Variants in CPNE8 observed in about 807,000 individuals in gnomAD.
CPNE8 encodes copine-8.
A neutral mutation model predicts 81.5 loss-of-function variants in CPNE8; 45 were observed. The observed-to-expected ratio is 0.55, with a 90% CI of 0.44 to 0.71. The LOEUF is 0.71. Among genes scored for constraint, CPNE8 ranks in the 30% least tolerant of loss-of-function variants. The pLI is 0.00. For missense variants in CPNE8, 594 were observed against 672.1 expected, an observed-to-expected ratio of 0.88 and a Z score of 1.28; for synonymous variants, 252 against 226.3, an observed-to-expected ratio of 1.11 and a Z score of -1.02.
intron 6 of CPNE8, among the ~76,000 whole-genome samples, chr12:38,789,749 G>A (rs1414423134): frequency 6.6e-6 from 1 of 151,264 alleles, no homozygotes; most frequent in Non-Finnish European, 1.5e-5. Context: ...AACTCTGTAG[G>A]AAAAAAAATC....
At chr12:38,789,687 A>C (rs986695135) in intron 6 of CPNE8, among the ~76,000 whole-genome samples, 1 of 151,952 alleles carries the variant, frequency 6.6e-6, no homozygotes, top group Non-Finnish European at 1.5e-5. Context: ...AATATTTGCA[A>C]ACCACCCATC....
chr12:38,696,128 G>A (rs1488329655), intron 14 of CPNE8, among the ~76,000 whole-genome samples: 1 of 151,880 alleles, frequency 6.6e-6, no homozygotes, highest in Admixed American at 6.6e-5. Context: ...TGCATAGCTG[G>A]GCCCTTTGTA....
Position 38,653,708 on chromosome 12 carries a change from T to G in CPNE8, c.*174A>C. On this transcript the variant is annotated 3_prime_UTR_variant, in exon 20 of 20. Coordinates refer to ENST00000331366, the MANE Select transcript of CPNE8 (RefSeq NM_153634.3). ...TTTTCTGTTGCTCATGCAACAACCA[T>G]ATTTACAGTTTTGGTTTAGGAAGAT... The G allele has an allele frequency of 1.2e-6, 1 of 865,766 alleles. No individual in the cohort carries two copies. The allele number at this position is 865,766 out of a possible 1,614,324, so 53.6% of individuals were successfully genotyped here.
At chr12:38,799,737 C>A (rs1169854018) in intron 6 of CPNE8, among the ~76,000 whole-genome samples, 1 of 148,396 alleles carries the variant, frequency 6.7e-6, no homozygotes, top group Non-Finnish European at 1.5e-5. Context: ...GCATTTCCAT[C>A]TGAGGTACCG....
intron 10 of CPNE8, among the ~76,000 whole-genome samples, chr12:38,741,831 AAAAC>A (rs1055976270): frequency 1.6e-4 from 25 of 152,174 alleles, no homozygotes; most frequent in African/African-American, 6.0e-4. Context: ...TGCAAGAAAA[AAAAC>A]AAACAACCCC....
intron 6 of CPNE8, among the ~76,000 whole-genome samples, chr12:38,812,743 G>A (rs1016037712): frequency 6.6e-6 from 1 of 152,190 alleles, no homozygotes; most frequent in Non-Finnish European, 1.5e-5. Flanking sequence ...AGCGTTTATG[G>A]AAGTGGCTTC....
At chr12:38,728,564 CAA>C (rs1449876962) in intron 11 of CPNE8, among the ~76,000 whole-genome samples, 2 of 151,742 alleles carry the variant, frequency 1.3e-5, no homozygotes, top group African/African-American at 4.8e-5. Context: ...AAAAGAAAAA[CAA>C]AACAAAACAA....
chr12:38,819,214 T>C (rs1367752279), intron 6 of CPNE8, among the ~76,000 whole-genome samples: 1 of 152,222 alleles, frequency 6.6e-6, no homozygotes, highest in Non-Finnish European at 1.5e-5. Context: ...TGCCCATGCC[T>C]ATGTCCTGAA....
intron 14 of CPNE8, among the ~76,000 whole-genome samples, chr12:38,695,689 A>G (rs760816310): frequency 1.3e-5 from 2 of 152,206 alleles, no homozygotes; most frequent in African/African-American, 4.8e-5. Flanking sequence ...CTGAAATCCT[A>G]GCACTCTGGG....
chr12:38,674,015 G>C (rs1032355234), intron 18 of CPNE8, among the ~76,000 whole-genome samples: 1 of 152,036 alleles, frequency 6.6e-6, no homozygotes, highest in Non-Finnish European at 1.5e-5. Context: ...TAATAAAGCT[G>C]ATAGAGTGAT....
chr12:38,879,178 T>C (rs1286635734), intron 1 of CPNE8, among the ~76,000 whole-genome samples: 1 of 152,122 alleles, frequency 6.6e-6, no homozygotes, highest in Non-Finnish European at 1.5e-5. Context: ...GAATGCACAC[T>C]GTGGTGGAGC....
Position 38,702,883 on chromosome 12 carries a change from G to C in CPNE8, c.953C>G (p.Ala318Gly). The C allele has an allele frequency of 6.4e-7, 1 of 1,558,474 alleles. No individual in the cohort carries two copies. The highest frequency in any genetic ancestry group is 1.2e-5 in the South Asian group (1 of 81,764). ...INFTVAIDFTASNGNPAQPTS... is the reference protein window; with the variant it reads ...INFTVAIDFTGSNGNPAQPTS... ...ATAATCAAAACACTCACCGTTTGAT[G>C]CTGTAAAATCAATAGCCACTGTGAA... is the stretch of plus-strand genomic sequence containing the variant. Residue 318 changes from alanine (A) to glycine (G), a missense_variant, in exon 14 of 20, where the codon GCA becomes GGA. Transcript: ENST00000331366.
At chr12:38,722,415 G>A (rs1423133673) in intron 13 of CPNE8, among the ~76,000 whole-genome samples, 1 of 152,002 alleles carries the variant, frequency 6.6e-6, no homozygotes, top group Non-Finnish European at 1.5e-5. Flanking sequence ...TGTTTGCTTT[G>A]TATCCTTAAT....
chr12:38,796,660 G>C (rs1403411461), intron 6 of CPNE8, among the ~76,000 whole-genome samples: 1 of 152,132 alleles, frequency 6.6e-6, no homozygotes, highest in Non-Finnish European at 1.5e-5. Flanking sequence ...TGAGGTACCA[G>C]GTTCATCTCA....
chr12:38,803,668 C>T (rs1181629517), intron 6 of CPNE8, among the ~76,000 whole-genome samples: 1 of 148,978 alleles, frequency 6.7e-6, no homozygotes. Flanking sequence ...GGCAATCAGG[C>T]AGGAGAAGGA....
intron 6 of CPNE8, among the ~76,000 whole-genome samples, chr12:38,807,571 C>G (rs1240640735): frequency 6.6e-6 from 1 of 150,786 alleles, no homozygotes; most frequent in Non-Finnish European, 1.5e-5. Flanking sequence ...GAAACTGGAT[C>G]CCTTCCTTAC....
At chr12:38,667,820 G>C (rs752364469) in intron 19 of CPNE8, among the ~76,000 whole-genome samples, 3 of 151,730 alleles carry the variant, frequency 2.0e-5, no homozygotes, top group Non-Finnish European at 4.4e-5. Flanking sequence ...TTTTTGAGAC[G>C]GAGTTTCGCT....
chr12:38,906,159 T>C (rs887234671), upstream of CPNE8: 1 of 985,588 alleles, frequency 1.0e-6, no homozygotes, highest in Admixed American at 6.1e-5. Context: ...TCGGAGCTCT[T>C]GGGAGATCCC....
chr12:38,881,805 G>C (rs1460409487), intron 1 of CPNE8, among the ~76,000 whole-genome samples: 1 of 152,180 alleles, frequency 6.6e-6, no homozygotes, highest in African/African-American at 2.4e-5. Flanking sequence ...TGAAGTAATG[G>C]AGGGTTAACT....
Sources: allele counts gnomAD v4.1 joint callset (sites outside exome capture counted in the v4.1 genomes callset), GRCh38; gene constraint gnomAD v4.1.1; transcripts MANE v1.5; gene names NCBI Gene and HGNC (gene_info 2026-07-23, HGNC 2026-07-21).